Variants in KCNIP1 observed in about 807,000 individuals in gnomAD.
KCNIP1 encodes the protein A-type potassium channel modulatory protein KCNIP1.
A neutral mutation model predicts 33.0 loss-of-function variants in KCNIP1; 18 were observed. That is an observed-to-expected ratio of 0.55 (90% CI 0.38 to 0.81). The LOEUF is 0.81. Among genes scored for constraint, KCNIP1 ranks in the 30% least tolerant of loss-of-function variants. The pLI is 0.00. For synonymous variants in KCNIP1, 93 were observed against 98.3 expected (o/e 0.95, Z 0.32); for missense variants, 238 against 271.6 (o/e 0.88, Z 0.87).
chr5:170,544,233 C>T (rs10035872), intron 1 of KCNIP1, among the ~76,000 whole-genome samples: 29,784 of 151,780 alleles, frequency 0.2, 4,063 homozygotes, highest in African/African-American at 0.39. Context: ...ACCATCATGG[C>T]GGAAACCCAA....
chr5:170,390,502 C>CAAA lies in KCNIP1; in HGVS notation c.88+36548_88+36550dup, dbSNP rs1296285736. ...GCCTGAACAGAGCGAGACCCCGTCT[C>CAAA]AAAAAAAAAAAACAAATATATATAT... On this transcript the variant is annotated intron_variant, in intron 1 of 7. Coordinates refer to the KCNIP1 transcript ENST00000377360. Among the ~76,000 whole-genome samples the CAAA allele has an allele frequency of 1.2e-3, 43 of 35,772 alleles. 1 individual carries two copies. Among genetic ancestry groups the CAAA allele is most frequent in the Non-Finnish European group, 1.3e-3 (25 of 19,622 alleles). The allele number at this position is 35,772 out of a possible 152,430, so 23.5% of individuals were successfully genotyped here.
intron 1 of KCNIP1, among the ~76,000 whole-genome samples, chr5:170,390,454 C>T (rs1764672026): frequency 6.9e-6 from 1 of 144,134 alleles, no homozygotes; most frequent in African/African-American, 2.6e-5. Context: ...TGCAGTGAGT[C>T]AAGATTGTGC....
chr5:170,723,349 C>T (rs1377106093), intron 5 of KCNIP1, among the ~76,000 whole-genome samples: 2 of 152,154 alleles, frequency 1.3e-5, no homozygotes, highest in Non-Finnish European at 2.9e-5. Context: ...ATCTTCACTG[C>T]TTTGCACTTT....
At chr5:170,647,094 T>G (rs745650890) in intron 1 of KCNIP1, among the ~76,000 whole-genome samples, 7 of 152,124 alleles carry the variant, frequency 4.6e-5, no homozygotes, top group Non-Finnish European at 5.9e-5. Flanking sequence ...AAAACTCTGA[T>G]GAAAGAAATC....
At chr5:170,721,532 A>T (rs1053819844) in intron 3 of KCNIP1, among the ~76,000 whole-genome samples, 1 of 152,118 alleles carries the variant, frequency 6.6e-6, no homozygotes, top group Non-Finnish European at 1.5e-5. Context: ...GTTCAGAAGA[A>T]CATTGTCATG....
chr5:170,683,742 G>A (rs1003314356), intron 1 of KCNIP1, among the ~76,000 whole-genome samples: 6 of 146,642 alleles, frequency 4.1e-5, no homozygotes, highest in African/African-American at 1.0e-4. Context: ...TTTTTTCTTC[G>A]AGACTAAATC....
At chr5:170,550,621 GTGA>G (rs962540737) in intron 1 of KCNIP1, among the ~76,000 whole-genome samples, 32 of 151,546 alleles carry the variant, frequency 2.1e-4, no homozygotes, top group South Asian at 1.0e-3. Context: ...GACAATGATG[GTGA>G]TGATGATGGT....
chr5:170,421,401 C>T (rs1382978956), intron 1 of KCNIP1, among the ~76,000 whole-genome samples: 2 of 152,180 alleles, frequency 1.3e-5, no homozygotes, highest in African/African-American at 4.8e-5. Flanking sequence ...AAAAACCTTT[C>T]TTCTGTCTTG....
At chr5:170,735,705 G>A in intron 7 of KCNIP1, 54 bp from the exon 8 acceptor site, 1 of 1,462,280 alleles carries the variant, frequency 6.8e-7, no homozygotes, top group South Asian at 1.1e-5. Flanking sequence ...GAGTTACAGA[G>A]CTCTCAGGGA....
In KCNIP1 at chr5:170,607,036, C is replaced by T. The variant is rs141109892; in HGVS notation, c.61+102403C>T. Among the ~76,000 whole-genome samples the T allele has an allele frequency of 3.5e-3, 536 of 152,296 alleles. 4 individuals are homozygous for T. Among genetic ancestry groups the T allele is most frequent in the Admixed American group, 7.5e-3 (114 of 15,302 alleles). Reference sequence around the variant, plus strand: ...CCTTTCCCCAGGATGTGTTCTCAAGCGGGCAATGCCTCAAGCCTCCTGTTG... The same window carrying T: ...CCTTTCCCCAGGATGTGTTCTCAAGTGGGCAATGCCTCAAGCCTCCTGTTG... On this transcript the variant is annotated intron_variant, in intron 1 of 7. Coordinates refer to ENST00000328939, the MANE Select transcript of KCNIP1 (RefSeq NM_014592.4).
At chr5:170,491,411 A>G (rs1040870096) in intron 1 of KCNIP1, among the ~76,000 whole-genome samples, 1 of 152,220 alleles carries the variant, frequency 6.6e-6, no homozygotes, top group African/African-American at 2.4e-5. Context: ...TCGGTGATGT[A>G]CTGAAGGCCT....
intron 1 of KCNIP1, among the ~76,000 whole-genome samples, chr5:170,707,745 G>C (rs1763308370): frequency 6.6e-6 from 1 of 151,354 alleles, no homozygotes; most frequent in Admixed American, 6.6e-5. Flanking sequence ...CAAGTCATTT[G>C]ATCTTGAAAA....
At chr5:170,429,316 C>T (rs1048333195) in intron 1 of KCNIP1, among the ~76,000 whole-genome samples, 8 of 152,122 alleles carry the variant, frequency 5.3e-5, no homozygotes, top group Non-Finnish European at 1.0e-4. Context: ...ATCCAAGCTT[C>T]ACGGCATTGG....
At chr5:170,673,088 A>G (rs1457914807) in intron 1 of KCNIP1, among the ~76,000 whole-genome samples, 1 of 152,238 alleles carries the variant, frequency 6.6e-6, no homozygotes, top group Non-Finnish European at 1.5e-5. Flanking sequence ...TGAGTTACTA[A>G]ATATTCATGA....
chr5:170,712,415 C>A (rs1185108468), intron 1 of KCNIP1, among the ~76,000 whole-genome samples: 1 of 152,162 alleles, frequency 6.6e-6, no homozygotes, highest in Non-Finnish European at 1.5e-5. Flanking sequence ...AGTGAGCAAA[C>A]AAATAATCCT....
At chr5:170,508,953 G>C (rs1353531636) in intron 1 of KCNIP1, among the ~76,000 whole-genome samples, 1 of 152,132 alleles carries the variant, frequency 6.6e-6, no homozygotes, top group Non-Finnish European at 1.5e-5. Flanking sequence ...GGGGGTAGGA[G>C]CTCGTCTAAC....
intron 1 of KCNIP1, among the ~76,000 whole-genome samples, chr5:170,660,388 A>G (rs975706417): frequency 8.0e-5 from 12 of 149,872 alleles, no homozygotes; most frequent in Non-Finnish European, 1.8e-4. Flanking sequence ...AAAAAAAAAC[A>G]TTCATTTGTC....
chr5:170,712,712 G>T, intron 1 of KCNIP1: 1 of 807,154 alleles, frequency 1.2e-6, no homozygotes, highest in South Asian at 1.4e-5. Flanking sequence ...CTCAGCTCCA[G>T]CTCTGCTACT....
At chr5:170,505,461 G>A (rs974621019) in intron 1 of KCNIP1, among the ~76,000 whole-genome samples, 5 of 152,150 alleles carry the variant, frequency 3.3e-5, no homozygotes, top group Non-Finnish European at 7.3e-5. Context: ...TAGGAAACGG[G>A]AAATGATGGG....
Sources: gnomAD v4.1 joint callset for allele counts (sites outside exome capture counted in the v4.1 genomes callset) on GRCh38, gnomAD v4.1.1 for gene constraint, MANE v1.5 for transcripts, NCBI Gene and HGNC (gene_info 2026-07-23, HGNC 2026-07-21) for gene names.